DNMBP: variants seen among roughly 807,000 people sequenced by gnomAD.
The protein encoded by DNMBP is dynamin-binding protein.
A neutral mutation model predicts 150.0 loss-of-function variants in DNMBP; 87 were observed. The observed-to-expected ratio is 0.58, with a 90% CI of 0.49 to 0.69. The LOEUF (loss-of-function observed/expected upper bound fraction) is 0.69. Among genes scored for constraint, DNMBP ranks in the 30% least tolerant of loss-of-function variants. The probability of loss-of-function intolerance (pLI) is 0.00; values close to 1 mark genes in which losing one functional copy is unlikely to be tolerated. For missense variants in DNMBP, 1,774 were observed against 1,949.0 expected (o/e 0.91, Z 1.69); for synonymous variants, 711 against 750.4 (o/e 0.95, Z 0.86).
chr10:99,883,380 G>A (rs2039398989), intron 15 of DNMBP, among the ~76,000 whole-genome samples: 1 of 152,112 alleles, frequency 6.6e-6, no homozygotes. Flanking sequence ...AACTGGAAGA[G>A]GTGCTGGGTG....
intron 3 of DNMBP, among the ~76,000 whole-genome samples, chr10:99,966,717 G>T (rs759287580): frequency 1.3e-5 from 2 of 152,174 alleles, no homozygotes; most frequent in African/African-American, 2.4e-5. Flanking sequence ...TAGAGACTGA[G>T]TATAAAGTGA....
At chr10:99,938,188 A>C (rs577652791) in intron 4 of DNMBP, among the ~76,000 whole-genome samples, 4 of 152,358 alleles carry the variant, frequency 2.6e-5, no homozygotes, top group Admixed American at 2.0e-4. Context: ...AAATACACCT[A>C]ATCAACCAAG....
At chr10:99,898,384 A>G (rs1486265214) in intron 8 of DNMBP, 99 bp from the exon 9 acceptor site, 2 of 905,786 alleles carry the variant, frequency 2.2e-6, no homozygotes, top group South Asian at 2.8e-5. Flanking sequence ...CTTTTTTTTA[A>G]CATAATAATA....
intron 4 of DNMBP, among the ~76,000 whole-genome samples, chr10:99,925,341 A>G (rs1340938321): frequency 6.6e-6 from 1 of 152,108 alleles, no homozygotes. Context: ...TCTGAGCTCT[A>G]TCTCTTCATT....
In DNMBP at chr10:99,962,839, C is replaced by T. The variant is rs145107607; in HGVS notation, c.269-5634G>A. ...GCTTTCTTAAAGCTGTAGAATTATG[C>T]TATTTTCCTTGTTTTGTCAGATCCC... On this transcript the variant is annotated intron_variant, in intron 3 of 16. Coordinates refer to ENST00000324109, the MANE Select transcript of DNMBP (RefSeq NM_015221.4). Among the ~76,000 whole-genome samples, 1,294 of 152,266 alleles carry T rather than the reference C, an allele frequency of 8.5e-3. 19 individuals carry two copies. Among genetic ancestry groups the T allele is most frequent in the Middle Eastern group, 0.044 (13 of 294 alleles).
intron 4 of DNMBP, among the ~76,000 whole-genome samples, chr10:99,925,486 GCTCACTGCAAC>G (rs1451015561): frequency 3.3e-5 from 5 of 152,086 alleles, no homozygotes; most frequent in Non-Finnish European, 5.9e-5. Flanking sequence ...CACAATCTCA[GCTCACTGCAAC>G]CTCCACCTCC....
chr10:99,987,644 G>C (rs1298962169), intron 1 of DNMBP, among the ~76,000 whole-genome samples: 1 of 151,702 alleles, frequency 6.6e-6, no homozygotes, highest in Admixed American at 6.6e-5. Context: ...GAGGCAGGAG[G>C]ATCACTTGAA....
intron 4 of DNMBP, among the ~76,000 whole-genome samples, chr10:99,939,412 T>C (rs534963685): frequency 3.3e-5 from 5 of 152,380 alleles, no homozygotes; most frequent in East Asian, 3.9e-4. Context: ...CACAGCTCTG[T>C]AGATGGTAAA....
chr10:99,955,170 G>A (rs1275611978), intron 4 of DNMBP, 44 bp downstream of exon 4: 1 of 1,547,178 alleles, frequency 6.5e-7, no homozygotes, highest in Non-Finnish European at 8.8e-7. Flanking sequence ...TCTGGGACTT[G>A]TGAGTGTCAA....
Position 99,899,916 on chromosome 10 carries a change from T to TA in DNMBP, c.2702+2dup. ...ATGGAAGTTAAGTGGTCAAAACTCCTACTTCAGATCTGCCAAGGAGTCCTG... is the reference window on the plus strand; with the variant it reads ...ATGGAAGTTAAGTGGTCAAAACTCCTAACTTCAGATCTGCCAAGGAGTCCTG... On this transcript the variant is annotated splice_region_variant and intron_variant, in intron 7 of 16. Coordinates refer to ENST00000324109, the MANE Select transcript of DNMBP (RefSeq NM_015221.4). 1 of 1,614,150 alleles carries TA rather than the reference T, an allele frequency of 6.2e-7. No individual in the cohort carries two copies. The highest frequency in any genetic ancestry group is 8.5e-7 in the Non-Finnish European group (1 of 1,180,008).
chr10:99,951,425 C>G (rs1480558720), intron 4 of DNMBP, among the ~76,000 whole-genome samples: 1 of 152,190 alleles, frequency 6.6e-6, no homozygotes, highest in Non-Finnish European at 1.5e-5. Flanking sequence ...AATGGTAGAT[C>G]CACCAACAGC....
At chr10:99,931,887 C>T (rs554262857) in intron 4 of DNMBP, among the ~76,000 whole-genome samples, 4 of 152,268 alleles carry the variant, frequency 2.6e-5, no homozygotes, top group Middle Eastern at 3.4e-3. Context: ...TTCAGGGAAG[C>T]GGTTGGATGT....
At chr10:99,970,588 TGAAA>T (rs1029397319) in intron 2 of DNMBP, among the ~76,000 whole-genome samples, 4 of 151,808 alleles carry the variant, frequency 2.6e-5, no homozygotes, top group African/African-American at 9.7e-5. Context: ...AAGTGAAGAA[TGAAA>T]GAAAGGGTAG....
In DNMBP at chr10:99,959,153, A is replaced by AT. The variant is rs202242266; in HGVS notation, c.269-1949dup. On this transcript the variant is annotated intron_variant, in intron 3 of 16. Transcript: ENST00000324109. ...TGTAAAGCAATGTCATTCCTCATTA[A>AT]TTTTTTTTTGTTTGGAAAGCTATAC... Among the ~76,000 whole-genome samples, 28 of 151,904 alleles carry AT rather than the reference A, an allele frequency of 1.8e-4. No homozygotes were observed. The East Asian group carries it at 4.1e-3, about 22-fold the overall frequency.
At chr10:99,934,999 T>C (rs2040209729) in intron 4 of DNMBP, among the ~76,000 whole-genome samples, 1 of 121,736 alleles carries the variant, frequency 8.2e-6, no homozygotes, top group South Asian at 2.7e-4. Flanking sequence ...GGTGGGACAA[T>C]CAGTTGAGCC....
chr10:99,943,121 C>T (rs778265841), intron 4 of DNMBP, among the ~76,000 whole-genome samples: 8 of 152,018 alleles, frequency 5.3e-5, no homozygotes, highest in Non-Finnish European at 8.8e-5. Flanking sequence ...CCAGTCTCTA[C>T]TAAAAATACA....
At chr10:99,882,244 A>G (rs141334671) in intron 15 of DNMBP, among the ~76,000 whole-genome samples, 36 of 152,266 alleles carry the variant, frequency 2.4e-4, no homozygotes, top group African/African-American at 7.2e-4. Flanking sequence ...GTCTGGGGAG[A>G]GGTTGCTCAA....
chr10:99,969,626 A>G (rs1197362939), intron 2 of DNMBP, among the ~76,000 whole-genome samples: 1 of 152,338 alleles, frequency 6.6e-6, no homozygotes, highest in East Asian at 1.9e-4. Flanking sequence ...GGAAGTTCAG[A>G]AAAGGTAGGT....
Position 99,879,958 on chromosome 10 carries a change from CCGGTAG to C in DNMBP, c.4395_4400del (p.Ser1465_Tyr1466del), listed in dbSNP as rs558430166. 167 of 1,614,202 alleles carry C rather than the reference CCGGTAG, an allele frequency of 1.0e-4. 5 individuals are homozygous for C. The East Asian group carries it at 3.5e-3, about 34-fold the overall frequency. On this transcript the variant is annotated inframe_deletion, in exon 16 of 17. Coordinates refer to ENST00000324109, the MANE Select transcript of DNMBP (RefSeq NM_015221.4). ...CAACTATTTCTGGATGCCTGAAGTT[CCGGTAG>C]CTCCTCGGCGTGGCAGTGGGTTGCT...
Sources: gnomAD v4.1 joint callset for allele counts (sites outside exome capture counted in the v4.1 genomes callset) on GRCh38, gnomAD v4.1.1 for gene constraint, MANE v1.5 for transcripts, NCBI Gene and HGNC (gene_info 2026-07-23, HGNC 2026-07-21) for gene names.